Variants in AKAP9 observed in about 807,000 individuals in gnomAD.
The protein encoded by AKAP9 is A-kinase anchor protein 9.
In AKAP9, 311 loss-of-function variants were observed where a neutral mutation model predicts 488.5. The ratio of observed to expected loss-of-function variants is 0.64; its 90% CI spans 0.58 to 0.70. AKAP9 has a LOEUF of 0.70. Ranked by LOEUF, AKAP9 falls within the 30% of genes least tolerant of loss-of-function variation. The probability of loss-of-function intolerance (pLI) is 0.00; values close to 1 mark genes in which losing one functional copy is unlikely to be tolerated. For synonymous variants in AKAP9, 1,462 were observed against 1,483.5 expected, an observed-to-expected ratio of 0.99 and a Z score of 0.33; for missense variants, 4,215 against 4,374.5, an observed-to-expected ratio of 0.96 and a Z score of 1.03.
rs1311386652 is a variant in AKAP9, at chr7:92,017,027, A to T, written c.3762A>T (p.Glu1254Asp). 1 of 1,580,014 alleles carries T rather than the reference A, an allele frequency of 6.3e-7. No homozygotes were observed. ...TTGTTTACCATCCAGACTTTCAAGA[A>T]AATATGCACACTCTTCTCAACAAAG... ...DYRYEVQDFQ[E>D]NMHTLLNKVT... The change falls in exon 12 of 50, where the codon GAA (glutamate) becomes GAT (aspartate). Residue 1254 changes from glutamate (E) to aspartate (D), a missense_variant. By Grantham distance (45) the Glu-to-Asp change is conservative. This residue lies in a region of AKAP9 where 2,361 missense variants were observed against 2,430.0 expected (regional missense o/e 0.97). Coordinates refer to ENST00000356239, the MANE Select transcript of AKAP9 (RefSeq NM_005751.5).
chr7:91,969,624 C>G (rs1016364049), intron 1 of AKAP9, among the ~76,000 whole-genome samples: 1 of 152,056 alleles, frequency 6.6e-6, no homozygotes, highest in Non-Finnish European at 1.5e-5. Context: ...TAGTTATATC[C>G]GCTTGCTAAA....
intron 47 of AKAP9, among the ~76,000 whole-genome samples, chr7:92,106,950 A>G (rs1818598041): frequency 6.6e-6 from 1 of 152,176 alleles, no homozygotes; most frequent in Non-Finnish European, 1.5e-5. Context: ...TTTTTTATCC[A>G]CATCATTTCC....
At chr7:92,108,459 T>G (rs920593991) in intron 48 of AKAP9, 35 bp from the exon 49 acceptor site, 2 of 1,611,612 alleles carry the variant, frequency 1.2e-6, no homozygotes, top group African/African-American at 2.7e-5. Context: ...TATTTCTGGA[T>G]AACTTGATTC....
chr7:91,979,382 C>T (rs1239448734), intron 2 of AKAP9, among the ~76,000 whole-genome samples: 1 of 152,032 alleles, frequency 6.6e-6, no homozygotes, highest in African/African-American at 2.4e-5. Flanking sequence ...AGACTTACTA[C>T]CACAAGAACC....
intron 1 of AKAP9, among the ~76,000 whole-genome samples, chr7:91,971,324 T>A (rs1034982239): frequency 6.6e-6 from 1 of 152,172 alleles, no homozygotes; most frequent in African/African-American, 2.4e-5. Flanking sequence ...TCTTTTTGAT[T>A]TATAAAAAAC....
rs778811102 is a variant in AKAP9 at position 92,001,625 on chromosome 7, G to T, written c.1708G>T (p.Asp570Tyr). 2 of 1,613,486 alleles carry T rather than the reference G, an allele frequency of 1.2e-6. No individual in the cohort carries two copies. Among genetic ancestry groups the T allele is most frequent in the East Asian group, 2.2e-5 (1 of 44,858 alleles). The change falls in exon 8 of 50, where the codon GAT becomes TAT. Residue 570 changes from aspartate to tyrosine, a missense_variant. Asp to Tyr is a radical substitution (Grantham distance 160). Around this residue, in one of 5 missense-constraint regions of AKAP9, gnomAD observed 2,361 missense variants for 2,430.0 expected, o/e 0.97. Transcript: ENST00000356239. ...ACATAAGTCCCTTAGTACAGTGGAA[G>T]ATTTGAAAGCTGAGATTGTTTCTGC... ...EAHKSLSTVE[D>Y]LKAEIVSASE...
chr7:91,977,736 T>C (rs2130578457), intron 2 of AKAP9, among the ~76,000 whole-genome samples: 1 of 152,326 alleles, frequency 6.6e-6, no homozygotes, highest in East Asian at 1.9e-4. Flanking sequence ...AATAATGCAG[T>C]GTGGCAACTC....
intron 21 of AKAP9, among the ~76,000 whole-genome samples, chr7:92,050,205 C>CA (rs200161676): frequency 0.023 from 3,514 of 152,170 alleles, 153 homozygotes; most frequent in African/African-American, 0.081. Context: ...GCTGGAACTA[C>CA]AGGCACGTGC....
At chr7:91,973,995 A>T in intron 2 of AKAP9, 27 bp downstream of exon 2, 1 of 1,613,132 alleles carries the variant, frequency 6.2e-7, no homozygotes, top group Non-Finnish European at 8.5e-7. Context: ...ATTTTTAATC[A>T]TTATGGTTCT....
intron 12 of AKAP9, among the ~76,000 whole-genome samples, chr7:92,021,160 C>T (rs768668236): frequency 6.6e-6 from 1 of 152,132 alleles, no homozygotes; most frequent in Non-Finnish European, 1.5e-5. Flanking sequence ...ATATATGAGC[C>T]TAAATCAAAA....
rs1201432646 is a variant in AKAP9, at chr7:92,101,394, G to A, written c.11097+338G>A. 3.3e-5 allele frequency among the ~76,000 whole-genome samples: 5 copies of A among 150,690 alleles called. No homozygotes were observed. The East Asian group carries it at 5.9e-4, about 18-fold the overall frequency. ...GGAGGTTGCAGTGAGCCGAGATCGC[G>A]CCACTGCACTCCAGCCTGGGCCACA... On this transcript the variant is annotated intron_variant, in intron 45 of 49. Coordinates refer to ENST00000356239, the MANE Select transcript of AKAP9 (RefSeq NM_005751.5).
In AKAP9 at chr7:92,110,139, C is replaced by T. The variant is rs1322438021; in HGVS notation, c.11704C>T (p.His3902Tyr). Residue 3902 changes from histidine (H) to tyrosine (Y), a missense_variant, in exon 50 of 50, where the codon CAT becomes TAT. His to Tyr is a moderately conservative substitution (Grantham distance 83, BLOSUM62 2). Coordinates refer to ENST00000356239, the MANE Select transcript of AKAP9 (RefSeq NM_005751.5). ...TCTCATAGGTTCAACTACTCAATTT[C>T]ATGCTGGCATGAGAAGATAATCCTT... ...TIQSGSTTQFHAGMRR is the reference protein window; with the variant it reads ...TIQSGSTTQFYAGMRR 6 of 1,602,036 alleles carry T rather than the reference C, an allele frequency of 3.7e-6. No homozygotes were observed. Among genetic ancestry groups the T allele is most frequent in the Non-Finnish European group, 5.1e-6 (6 of 1,172,120 alleles).
rs192136730 is a variant in AKAP9 at position 92,083,990 on chromosome 7, C to T, written c.8646+335C>T. ...TGTCCCTCCCCTAGCACCTCACCCC[C>T]GACAGGCCCCAGTGTGTGATGTTCC... On this transcript the variant is annotated intron_variant, in intron 33 of 49. Coordinates refer to ENST00000356239, the MANE Select transcript of AKAP9 (RefSeq NM_005751.5). Among the ~76,000 whole-genome samples the T allele has an allele frequency of 4.5e-4, 68 of 152,262 alleles. 1 individual carries two copies. In the East Asian group the frequency reaches 0.011, roughly 26 times the overall value.
intron 1 of AKAP9, among the ~76,000 whole-genome samples, chr7:91,949,946 C>CT (rs1181045827): frequency 2.0e-5 from 3 of 152,038 alleles, no homozygotes; most frequent in African/African-American, 7.2e-5. Context: ...CTGTAAAAGT[C>CT]TAAGAGTTTT....
At chr7:91,972,177 C>T (rs1795189757) in intron 1 of AKAP9, among the ~76,000 whole-genome samples, 1 of 152,032 alleles carries the variant, frequency 6.6e-6, no homozygotes. Context: ...TGGCATGAAC[C>T]TCTTACAGTG....
rs878881126 is a variant in AKAP9, at chr7:92,082,452, G to A, written c.8020-70G>A. The A allele has an allele frequency of 5.9e-6, 9 of 1,526,726 alleles. No individual in the cohort carries two copies. In the East Asian group the frequency reaches 9.1e-5, roughly 15 times the overall value. 94.6% of individuals were successfully genotyped at this position (1,526,726 alleles called of 1,614,324 possible). A position where few individuals can be genotyped will look rare whatever the true frequency, so the allele number is the denominator to read the frequency against. On this transcript the variant is annotated intron_variant, in intron 31 of 49. Transcript: ENST00000356239. The stretch of plus-strand genomic sequence containing the variant: ...ATTCCTTGGATGGTTTTATTAGAAT[G>A]TATAAGAGCCTTGAATTTAGCTATA...
chr7:92,062,327 G>GA lies in AKAP9; in HGVS notation c.5824dup (p.Thr1942AsnfsTer2). ...AACTCTTTTTGAAAGGCAAATTCAGGAAAAAACTGATATAATAGATCGTCT... is the reference window on the plus strand; with the variant it reads ...AACTCTTTTTGAAAGGCAAATTCAGGAAAAAAACTGATATAATAGATCGTCT... On this transcript the variant is annotated frameshift_variant, in exon 24 of 50. Transcript: ENST00000356239. LOFTEE classifies it high-confidence loss of function. 6.2e-7 allele frequency: 1 copy of GA among 1,613,776 alleles called. No homozygotes were observed. The highest frequency in any genetic ancestry group is 8.5e-7 in the Non-Finnish European group (1 of 1,179,800).
chr7:92,109,014 C>G (rs904990159), intron 49 of AKAP9: 25 of 326,398 alleles, frequency 7.7e-5, no homozygotes, highest in Non-Finnish European at 1.0e-4. Context: ...CCGCAGCACT[C>G]CAGCCTGGGC....
rs1408680208 is a variant in AKAP9, at chr7:92,110,320, A to G, written c.*161A>G. On this transcript the variant is annotated 3_prime_UTR_variant, in exon 50 of 50. Transcript: ENST00000356239. ...TGCCAGCACATGAAAACAAACTGGA[A>G]TTTGTATATATAAGCATTGTGTATG... 1.6e-6 allele frequency: 1 copy of G among 628,284 alleles called. No individual in the cohort carries two copies. Among genetic ancestry groups the G allele is most frequent in the African/African-American group, 1.8e-5 (1 of 54,812 alleles). 38.9% of individuals were successfully genotyped at this position (628,284 alleles called of 1,614,324 possible).
Sources: gnomAD v4.1 joint callset for allele counts (sites outside exome capture counted in the v4.1 genomes callset) on GRCh38, gnomAD v4.1.1 for gene constraint, gnomAD v4.1.1 regional missense constraint, MANE v1.5 for transcripts, NCBI Gene and HGNC (gene_info 2026-07-23, HGNC 2026-07-21) for gene names.